The following AFDN variants were observed in gnomAD, a reference collection of about 807,000 sequenced individuals.
The protein encoded by AFDN is afadin, adherens junction formation factor.
AFDN carries 68 observed loss-of-function variants against 216.6 expected under a neutral mutation model. That is an observed-to-expected ratio of 0.31 (90% CI 0.26 to 0.38). The LOEUF is 0.38. AFDN is among the 10% of genes least tolerant of loss of function. The pLI is 1.00. For synonymous variants in AFDN, 868 were observed against 853.7 expected, an observed-to-expected ratio of 1.02 and a Z score of -0.29; for missense variants, 2,136 against 2,342.0, an observed-to-expected ratio of 0.91 and a Z score of 1.82.
chr6:167,863,075 T>C (rs531570288), intron 1 of AFDN, among the ~76,000 whole-genome samples: 1 of 152,340 alleles, frequency 6.6e-6, no homozygotes, highest in Admixed American at 6.5e-5. Context: ...AACCCTGTTC[T>C]AATACAGGTT....
At chr6:167,896,358 A>G (rs977523136) in intron 9 of AFDN, among the ~76,000 whole-genome samples, 3 of 152,206 alleles carry the variant, frequency 2.0e-5, no homozygotes, top group Non-Finnish European at 4.4e-5. Context: ...CAGAGGACAC[A>G]TGCTTAGGCC....
chr6:167,885,686 C>G (rs962662853), intron 6 of AFDN, among the ~76,000 whole-genome samples: 1 of 152,204 alleles, frequency 6.6e-6, no homozygotes, highest in Non-Finnish European at 1.5e-5. Context: ...ACACAATGTA[C>G]ACACAGACAC....
intron 18 of AFDN, 102 bp from the exon 19 acceptor site, chr6:167,915,066 C>A: frequency 1.7e-6 from 2 of 1,207,748 alleles, no homozygotes; most frequent in Non-Finnish European, 2.3e-6. Context: ...AATTAAACGG[C>A]ACTTACTACC....
At chr6:167,842,186 T>C (rs1367327718) in intron 1 of AFDN, among the ~76,000 whole-genome samples, 1 of 152,176 alleles carries the variant, frequency 6.6e-6, no homozygotes, top group African/African-American at 2.4e-5. Context: ...CTTGATAGCC[T>C]TGATTTCCTG....
At chr6:167,943,611 A>G (rs752838680) in intron 25 of AFDN, 136 bp downstream of exon 25, 38 of 648,664 alleles carry the variant, frequency 5.9e-5, no homozygotes, top group Non-Finnish European at 9.7e-5. Context: ...TGTACGTGAC[A>G]TTTCACTTGT....
chr6:167,886,326 A>G (rs1192338036), intron 6 of AFDN, among the ~76,000 whole-genome samples: 2 of 152,230 alleles, frequency 1.3e-5, no homozygotes, highest in Admixed American at 6.5e-5. Flanking sequence ...CAGAAGTGAA[A>G]TTTTAAAATT....
At chr6:167,936,707 G>T (rs1258171348) in intron 23 of AFDN, among the ~76,000 whole-genome samples, 1 of 152,066 alleles carries the variant, frequency 6.6e-6, no homozygotes, top group African/African-American at 2.4e-5. Context: ...AGCAGCAGAG[G>T]CAGGGATGCA....
intron 23 of AFDN, among the ~76,000 whole-genome samples, chr6:167,937,326 CA>C (rs1442122751): frequency 6.6e-6 from 1 of 152,166 alleles, no homozygotes; most frequent in African/African-American, 2.4e-5. Context: ...GACTTTTGAT[CA>C]AATTCCATTT....
At chr6:167,851,599 A>G (rs1338370196) in intron 1 of AFDN, among the ~76,000 whole-genome samples, 4 of 152,234 alleles carry the variant, frequency 2.6e-5, no homozygotes, top group Admixed American at 2.6e-4. Flanking sequence ...ATCAGTTAGT[A>G]ACCACCAAAC....
In AFDN at chr6:167,872,305, A is replaced by T. The variant is rs201072332; in HGVS notation, c.506A>T (p.Lys169Ile). Residue 169 changes from lysine to isoleucine, a missense_variant, in exon 4 of 34, where the codon AAA (lysine) becomes ATA (isoleucine). This residue lies in a region of AFDN where 817 missense variants were observed against 965.7 expected (regional missense o/e 0.85). Transcript: ENST00000683244. ...CTCTCAAAGAAAGAAAAGAAGGAAA[A>T]AAAGAAGAGAGAAAAAGAGGCATTG... is the stretch of plus-strand genomic sequence containing the variant. ...RTLSKKEKKE[K>I]KKREKEALRQ... 5.5e-5 allele frequency: 88 copies of T among 1,613,976 alleles called. No individual in the cohort carries two copies. The highest frequency in any genetic ancestry group is 1.7e-6 in the Non-Finnish European group (2 of 1,179,998).
At chr6:167,835,978 G>A (rs1780384333) in intron 1 of AFDN, among the ~76,000 whole-genome samples, 1 of 152,070 alleles carries the variant, frequency 6.6e-6, no homozygotes, top group Non-Finnish European at 1.5e-5. Context: ...TGTAAACATA[G>A]GGCTCATTAT....
intron 15 of AFDN, among the ~76,000 whole-genome samples, chr6:167,913,039 T>C (rs1325839749): frequency 6.6e-6 from 1 of 152,156 alleles, no homozygotes; most frequent in Non-Finnish European, 1.5e-5. Context: ...ACCTTTTAAG[T>C]AAGTAGTAAG....
chr6:167,971,753 G>C lies in AFDN; in HGVS notation c.*1818G>C. 4.8e-6 allele frequency: 1 copy of C among 207,346 alleles called. No homozygotes were observed. Among genetic ancestry groups the C allele is most frequent in the Admixed American group, 5.9e-5 (1 of 16,832 alleles). The allele number at this position is 207,346 out of a possible 1,614,324, so 12.8% of individuals were successfully genotyped here. A position where few individuals can be genotyped will look rare whatever the true frequency, so the allele number is the denominator to read the frequency against. ...TGGTTGTGAAACCCATACACAAGTG[G>C]ATTTGGCCATCTTTGGGCAGTGAGG... On this transcript the variant is annotated 3_prime_UTR_variant, in exon 34 of 34. Coordinates refer to ENST00000683244, the MANE Select transcript of AFDN (RefSeq NM_001386888.1).
chr6:167,879,707 A>T (rs1030506045), intron 5 of AFDN, among the ~76,000 whole-genome samples: 5 of 152,232 alleles, frequency 3.3e-5, no homozygotes, highest in African/African-American at 1.2e-4. Flanking sequence ...GCTCTGCTGT[A>T]GTTGGTTTTC....
intron 30 of AFDN, among the ~76,000 whole-genome samples, chr6:167,953,037 A>G (rs1489197909): frequency 6.6e-6 from 1 of 152,246 alleles, no homozygotes; most frequent in Non-Finnish European, 1.5e-5. Flanking sequence ...GTTAAGAGGC[A>G]TTTACTGCTA....
upstream of AFDN, chr6:167,826,740 G>T: frequency 7.9e-6 from 3 of 380,450 alleles, no homozygotes; most frequent in South Asian, 5.9e-5. Flanking sequence ...CACCGCGCGG[G>T]GCCCGCCCTC....
At chr6:167,858,145 T>C (rs1228136892) in intron 1 of AFDN, among the ~76,000 whole-genome samples, 1 of 152,158 alleles carries the variant, frequency 6.6e-6, no homozygotes, top group Non-Finnish European at 1.5e-5. Context: ...TAATGCTGAC[T>C]AAGAGTTTGG....
At chr6:167,963,640 A>G in intron 31 of AFDN, 1 of 1,059,788 alleles carries the variant, frequency 9.4e-7, no homozygotes, top group Non-Finnish European at 1.1e-6. Context: ...GAAATTGGTG[A>G]TTTCTGCATT....
intron 28 of AFDN, 162 bp from the exon 29 acceptor site, chr6:167,948,131 C>A: frequency 1.3e-6 from 1 of 790,694 alleles, no homozygotes; most frequent in Non-Finnish European, 2.0e-6. Context: ...ATTAATAAGT[C>A]TGGGCAAAAT....
Sources: allele counts gnomAD v4.1 joint callset (sites outside exome capture counted in the v4.1 genomes callset), GRCh38; gene constraint gnomAD v4.1.1; regional missense constraint gnomAD v4.1.1; transcripts MANE v1.5; gene names NCBI Gene and HGNC (gene_info 2026-07-23, HGNC 2026-07-21).